The following METAP1 variants were observed in gnomAD, a reference collection of about 807,000 sequenced individuals.
The protein encoded by METAP1 is methionine aminopeptidase 1.
In METAP1, 28 loss-of-function variants were observed where a neutral mutation model predicts 53.8. That is an observed-to-expected ratio of 0.52 (90% CI 0.39 to 0.71). The LOEUF (loss-of-function observed/expected upper bound fraction) is 0.71. Ranked by LOEUF, METAP1 falls within the 30% of genes least tolerant of loss-of-function variation. The pLI, the probability that METAP1 is intolerant of heterozygous loss-of-function variation, is 0.00. For synonymous variants in METAP1, 181 were observed against 165.7 expected (o/e 1.09, Z -0.71); for missense variants, 389 against 479.8 (o/e 0.81, Z 1.77).
At chr4:99,049,255 C>CA (rs1334194784) in intron 9 of METAP1, among the ~76,000 whole-genome samples, 3 of 152,108 alleles carry the variant, frequency 2.0e-5, no homozygotes, top group Non-Finnish European at 4.4e-5. Context: ...TGGCATAAAT[C>CA]AAATTTATTT....
At chr4:99,047,934 G>GA (rs1579321636) in intron 8 of METAP1, among the ~76,000 whole-genome samples, 1 of 152,334 alleles carries the variant, frequency 6.6e-6, no homozygotes, top group East Asian at 1.9e-4. Flanking sequence ...GGCAGTCATG[G>GA]AAAGTTTGAG....
At chr4:98,995,922 C>A in intron 1 of METAP1, 55 bp downstream of exon 1, 1 of 1,386,440 alleles carries the variant, frequency 7.2e-7, no homozygotes, top group South Asian at 1.2e-5. Flanking sequence ...CTCCTCGCTT[C>A]TCCCCTGCTG....
At chr4:99,033,063 AG>A (rs1289671972) in intron 2 of METAP1, among the ~76,000 whole-genome samples, 2 of 152,136 alleles carry the variant, frequency 1.3e-5, no homozygotes, top group African/African-American at 4.8e-5. Context: ...GCTCTTTAAG[AG>A]TACTGGACGG....
intron 7 of METAP1, among the ~76,000 whole-genome samples, chr4:99,044,292 C>T (rs1726072891): frequency 6.6e-6 from 1 of 152,228 alleles, no homozygotes; most frequent in South Asian, 2.1e-4. Flanking sequence ...AAGGAACTAC[C>T]TATCAAATGA....
chr4:99,026,554 C>A (rs561087997), intron 1 of METAP1: 41 of 985,276 alleles, frequency 4.2e-5, no homozygotes, highest in East Asian at 1.1e-4. Flanking sequence ...TGCCTGGGGA[C>A]CTCTAAATCT....
chr4:99,049,880 T>G (rs1726566665), intron 9 of METAP1, among the ~76,000 whole-genome samples: 1 of 152,234 alleles, frequency 6.6e-6, no homozygotes, highest in African/African-American at 2.4e-5. Context: ...ACAATGACAG[T>G]AATATGCATT....
At position 99,031,629 on chromosome 4, in the gene METAP1, C is replaced by G. The variant is rs982690206; in HGVS notation, c.167-2601C>G. 1.5e-5 allele frequency: 18 copies of G among 1,235,196 alleles called. No homozygotes were observed. The East Asian group carries it at 1.0e-3, about 69-fold the overall frequency. 76.5% of individuals were successfully genotyped at this position (1,235,196 alleles called of 1,614,324 possible). On this transcript the variant is annotated intron_variant, in intron 2 of 10. Transcript: ENST00000296411. ...TTGTGTGAGGATTAAATAAAGAAAT[C>G]CATGAGAAGTGCTTAGCATGTGTAC...
intron 1 of METAP1, among the ~76,000 whole-genome samples, chr4:99,004,411 C>T (rs1310728119): frequency 6.7e-6 from 1 of 150,162 alleles, no homozygotes; most frequent in African/African-American, 2.5e-5. Flanking sequence ...TGCAACAAGG[C>T]TAGGGGAGTT....
intron 5 of METAP1, 74 bp from the exon 6 acceptor site, chr4:99,040,969 A>G: frequency 1.2e-6 from 1 of 816,714 alleles, no homozygotes; most frequent in Non-Finnish European, 1.8e-6. Flanking sequence ...AATCTTCCAC[A>G]GTCAAACAGT....
chr4:99,052,938 TCTC>T (rs1726818164), intron 9 of METAP1, among the ~76,000 whole-genome samples: 1 of 152,232 alleles, frequency 6.6e-6, no homozygotes, highest in African/African-American at 2.4e-5. Flanking sequence ...CTCAACATCT[TCTC>T]TATGGGTAGA....
rs180826634 is a variant in METAP1, at chr4:99,030,484, G to A, written c.166+1566G>A. ...ACTTTTTTCAGTGGATGAGCCTGCT[G>A]TTCTTAATCCCTTTGGCTGTGATGG... On this transcript the variant is annotated intron_variant, in intron 2 of 10. Transcript: ENST00000296411. Among the ~76,000 whole-genome samples the A allele has an allele frequency of 3.9e-5, 6 of 152,276 alleles. No homozygotes were observed. In the East Asian group the frequency reaches 9.6e-4, roughly 24 times the overall value.
chr4:99,031,563 G>T, intron 2 of METAP1: 1 of 1,288,534 alleles, frequency 7.8e-7, no homozygotes, highest in Non-Finnish European at 1.0e-6. Flanking sequence ...GTGACCATGG[G>T]TTATTCTAAG....
At chr4:99,033,777 TG>T (rs1725230134) in intron 2 of METAP1, among the ~76,000 whole-genome samples, 1 of 152,328 alleles carries the variant, frequency 6.6e-6, no homozygotes, top group African/African-American at 2.4e-5. Flanking sequence ...GAATTTGCTT[TG>T]GGATTACTTG....
At chr4:99,042,677 C>A (rs563024922) in intron 6 of METAP1, among the ~76,000 whole-genome samples, 1 of 152,022 alleles carries the variant, frequency 6.6e-6, no homozygotes. Context: ...TTAATATTTA[C>A]TTCAAATATT....
intron 1 of METAP1, among the ~76,000 whole-genome samples, chr4:99,000,182 G>A (rs1722854193): frequency 6.6e-6 from 1 of 152,180 alleles, no homozygotes; most frequent in African/African-American, 2.4e-5. Context: ...GCTTATGGTT[G>A]AATTTAGTTA....
chr4:99,026,206 C>G, intron 1 of METAP1: 1 of 984,782 alleles, frequency 1.0e-6, no homozygotes, highest in Non-Finnish European at 1.2e-6. Flanking sequence ...TTCATAAGCT[C>G]CTAAATTTAG....
chr4:99,024,210 G>A (rs943712563), intron 1 of METAP1, among the ~76,000 whole-genome samples: 2 of 152,058 alleles, frequency 1.3e-5, no homozygotes, highest in African/African-American at 2.4e-5. Context: ...CCCCAGTCAC[G>A]TACCCCCTGC....
intron 1 of METAP1, among the ~76,000 whole-genome samples, chr4:99,001,452 TAAG>T (rs1399530418): frequency 6.6e-6 from 1 of 152,230 alleles, no homozygotes; most frequent in African/African-American, 2.4e-5. Flanking sequence ...TGTGTATTCT[TAAG>T]AACATATTTG....
At chr4:98,999,808 C>G (rs1722838316) in intron 1 of METAP1, among the ~76,000 whole-genome samples, 1 of 151,816 alleles carries the variant, frequency 6.6e-6, no homozygotes. Context: ...ACTGTGCCAG[C>G]CTAGGATGTT....
Sources: allele counts gnomAD v4.1 joint callset (sites outside exome capture counted in the v4.1 genomes callset), GRCh38; gene constraint gnomAD v4.1.1; transcripts MANE v1.5; gene names NCBI Gene and HGNC (gene_info 2026-07-23, HGNC 2026-07-21).